The following ADCY3 variants were observed in gnomAD, a reference collection of about 807,000 sequenced individuals.
ADCY3 encodes adenylate cyclase 3.
Under a neutral mutation model 119.4 loss-of-function variants are expected in ADCY3, and 70 were observed. The ratio of observed to expected loss-of-function variants is 0.59; its 90% CI spans 0.48 to 0.72. ADCY3 has a LOEUF of 0.72. ADCY3 is among the 30% of genes least tolerant of loss of function. The pLI is 0.00. For synonymous variants in ADCY3, 672 were observed against 621.4 expected, an observed-to-expected ratio of 1.08 and a Z score of -1.21; for missense variants, 1,238 against 1,541.6, an observed-to-expected ratio of 0.80 and a Z score of 3.30.
intron 18 of ADCY3, among the ~76,000 whole-genome samples, chr2:24,822,925 G>A (rs754633860): frequency 1.9e-4 from 29 of 152,158 alleles, no homozygotes; most frequent in Non-Finnish European, 1.5e-5. Flanking sequence ...AATGCTGACC[G>A]GCTCTGAATT....
intron 3 of ADCY3, among the ~76,000 whole-genome samples, chr2:24,860,467 G>A (rs542078447): frequency 2.6e-5 from 4 of 152,238 alleles, no homozygotes; most frequent in African/African-American, 4.8e-5. Context: ...AGGACGCTTC[G>A]CATGCCAGGG....
intron 2 of ADCY3, among the ~76,000 whole-genome samples, chr2:24,880,431 T>G (rs530275828): frequency 6.6e-6 from 1 of 152,330 alleles, no homozygotes; most frequent in South Asian, 2.1e-4. Flanking sequence ...TGGGCCTCTC[T>G]CCAGTCCTCC....
Position 24,890,178 on chromosome 2 carries a change from T to A in ADCY3, c.676-17459A>T, listed in dbSNP as rs182618466. 1.1e-4 allele frequency among the ~76,000 whole-genome samples: 16 copies of A among 152,354 alleles called. No individual in the cohort carries two copies. The East Asian group carries it at 2.9e-3, about 28-fold the overall frequency. ...CCTGCATTCCTGTGCAAATCCCTAC[T>A]TGGTCATTATATATTATTCTTTTTA... On this transcript the variant is annotated intron_variant, in intron 2 of 21. Coordinates refer to ENST00000679454, the MANE Select transcript of ADCY3 (RefSeq NM_004036.5).
intron 2 of ADCY3, among the ~76,000 whole-genome samples, chr2:24,895,563 T>A (rs1291043973): frequency 6.6e-6 from 1 of 152,186 alleles, no homozygotes; most frequent in Non-Finnish European, 1.5e-5. Context: ...TCTGTTATAT[T>A]GTCCCACATG....
chr2:24,903,211 C>T (rs1222766918), intron 2 of ADCY3, among the ~76,000 whole-genome samples: 8 of 151,656 alleles, frequency 5.3e-5, no homozygotes, highest in South Asian at 2.1e-4. Flanking sequence ...GCACCCCTAA[C>T]GCCTGTGTGG....
At chr2:24,886,745 C>T (rs953629261) in intron 2 of ADCY3, among the ~76,000 whole-genome samples, 8 of 152,240 alleles carry the variant, frequency 5.3e-5, no homozygotes, top group Non-Finnish European at 5.9e-5. Context: ...GCGATGCCCA[C>T]GGACTCACTG....
At chr2:24,875,638 G>A (rs1202909450) in intron 2 of ADCY3, among the ~76,000 whole-genome samples, 2 of 152,324 alleles carry the variant, frequency 1.3e-5, no homozygotes, top group African/African-American at 4.8e-5. Flanking sequence ...AGTGCTCCCA[G>A]GCAACACTGA....
chr2:24,872,515 A>G lies in ADCY3; in HGVS notation c.825+55T>C, dbSNP rs1675143535. The G allele has an allele frequency of 1.3e-6, 2 of 1,583,642 alleles. No homozygotes were observed. Among genetic ancestry groups the G allele is most frequent in the African/African-American group, 2.7e-5 (2 of 74,064 alleles). ...CCGCTCTGGTTCCTCTCCCTCTGACAAGGCCACAGTCCCTGAGCCCAAGCT... is the reference window on the plus strand; with the variant it reads ...CCGCTCTGGTTCCTCTCCCTCTGACGAGGCCACAGTCCCTGAGCCCAAGCT... On this transcript the variant is annotated intron_variant, in intron 3 of 21. Transcript: ENST00000679454. This position sits in a 1 kb window ranked among gnomAD's most constrained non-coding sequence, Gnocchi z 4.4.
chr2:24,827,692 C>T (rs1271281931), intron 14 of ADCY3, 84 bp from the exon 15 acceptor site: 21 of 1,469,640 alleles, frequency 1.4e-5, no homozygotes, highest in Non-Finnish European at 1.6e-5. Context: ...ATCCCAAGTC[C>T]TCCACTCGGG....
intron 2 of ADCY3, among the ~76,000 whole-genome samples, chr2:24,893,914 C>T (rs6545795): frequency 0.47 from 70,912 of 152,068 alleles, 19,469 homozygotes; most frequent in African/African-American, 0.78. Context: ...GCCTATTAAA[C>T]TGAATATTTA....
At chr2:24,825,858 T>C in intron 16 of ADCY3, 187 bp downstream of exon 16, 4 of 611,952 alleles carry the variant, frequency 6.5e-6, no homozygotes, top group Non-Finnish European at 5.9e-6. Flanking sequence ...GGTGAGGAAC[T>C]GTCTTCCTGT....
chr2:24,853,181 T>C (rs1672587902), intron 3 of ADCY3, among the ~76,000 whole-genome samples: 1 of 152,052 alleles, frequency 6.6e-6, no homozygotes, highest in African/African-American at 2.4e-5. Flanking sequence ...ATAAGGAAGC[T>C]GCAGAAAACA....
At chr2:24,909,636 AC>A (rs1431544805) in intron 2 of ADCY3, among the ~76,000 whole-genome samples, 2 of 152,184 alleles carry the variant, frequency 1.3e-5, no homozygotes, top group Non-Finnish European at 2.9e-5. Context: ...GAGAATCAAT[AC>A]CTTAATGGAG....
At chr2:24,881,638 T>C (rs908464427) in intron 2 of ADCY3, among the ~76,000 whole-genome samples, 12 of 152,226 alleles carry the variant, frequency 7.9e-5, no homozygotes, top group African/African-American at 2.7e-4. Flanking sequence ...TGCACAGCTA[T>C]TGGAACATAG....
intron 3 of ADCY3, among the ~76,000 whole-genome samples, chr2:24,858,111 G>A (rs896856896): frequency 3.4e-5 from 5 of 148,538 alleles, no homozygotes; most frequent in African/African-American, 5.0e-5. Context: ...TGATCCTCCC[G>A]CCTCAGCCTC....
intron 19 of ADCY3, 53 bp downstream of exon 19, chr2:24,822,458 A>G (rs542854249): frequency 6.1e-4 from 967 of 1,597,798 alleles, no homozygotes; most frequent in African/African-American, 1.6e-3. Context: ...TGGGCTGCCA[A>G]TCTCTTGCCT....
intron 3 of ADCY3, among the ~76,000 whole-genome samples, chr2:24,854,345 G>A (rs1249998235): frequency 6.6e-6 from 1 of 152,210 alleles, no homozygotes; most frequent in Admixed American, 6.5e-5. Context: ...TCACCCAGGG[G>A]TTTTGGGGGG....
chr2:24,820,428 G>A (rs545739364), intron 21 of ADCY3: 30 of 1,315,850 alleles, frequency 2.3e-5, no homozygotes, highest in African/African-American at 2.3e-4. Context: ...TGCCCCTTTC[G>A]TGGAGCTTTT....
intron 3 of ADCY3, among the ~76,000 whole-genome samples, chr2:24,868,248 T>C (rs1266948446): frequency 6.6e-6 from 1 of 152,216 alleles, no homozygotes; most frequent in Non-Finnish European, 1.5e-5. Flanking sequence ...AATTAGTAAA[T>C]ATTTTAAATT....
Sources: allele counts gnomAD v4.1 joint callset (sites outside exome capture counted in the v4.1 genomes callset), GRCh38; gene constraint gnomAD v4.1.1; non-coding constraint Gnocchi (gnomAD v3.1); transcripts MANE v1.5; gene names NCBI Gene and HGNC (gene_info 2026-07-23, HGNC 2026-07-21).